IMMP2L: variants seen among roughly 807,000 people sequenced by gnomAD.
IMMP2L encodes inner mitochondrial membrane peptidase subunit 2.
In IMMP2L, 18 loss-of-function variants were observed where a neutral mutation model predicts 19.3. That is an observed-to-expected ratio of 0.93 (90% CI 0.64 to 1.38). The LOEUF (loss-of-function observed/expected upper bound fraction) is 1.38. IMMP2L is among the 40% of genes most tolerant of loss of function. IMMP2L has a pLI of 0.00. For missense variants in IMMP2L, 233 were observed against 218.2 expected (o/e 1.07, Z -0.43); for synonymous variants, 76 against 73.0 (o/e 1.04, Z -0.21).
intron 2 of IMMP2L, among the ~76,000 whole-genome samples, chr7:111,495,365 T>C (rs1170479209): frequency 6.6e-6 from 1 of 152,180 alleles, no homozygotes; most frequent in Admixed American, 6.5e-5. Context: ...AAATACAATA[T>C]AAGTCAGCAT....
chr7:111,222,478 T>C (rs1028875281), intron 3 of IMMP2L, among the ~76,000 whole-genome samples: 7 of 151,968 alleles, frequency 4.6e-5, no homozygotes, highest in Non-Finnish European at 7.4e-5. Context: ...AACAGTATTT[T>C]TTTTTTAAAG....
intron 3 of IMMP2L, among the ~76,000 whole-genome samples, chr7:111,130,465 A>G (rs1328844829): frequency 6.6e-6 from 1 of 152,096 alleles, no homozygotes; most frequent in African/African-American, 2.4e-5. Context: ...GTATGATGTG[A>G]CCATTGTAAA....
At chr7:111,263,846 A>T (rs1817570909) in intron 3 of IMMP2L, among the ~76,000 whole-genome samples, 1 of 152,200 alleles carries the variant, frequency 6.6e-6, no homozygotes, top group South Asian at 2.1e-4. Flanking sequence ...ATTTCAAGGA[A>T]GAAAGAATGA....
chr7:111,124,282 G>T lies in IMMP2L; in HGVS notation c.240-160717C>A, dbSNP rs145624149. 8.7e-6 allele frequency: 14 copies of T among 1,613,886 alleles called. No individual in the cohort carries two copies. The East Asian group carries it at 2.9e-4, about 33-fold the overall frequency. ...TTGTATAGCAACTAACCTAGTTGGC[G>T]CTGACTTGAAGTCTGTTATGATCAA... is the stretch of plus-strand genomic sequence containing the variant. On this transcript the variant is annotated intron_variant, in intron 3 of 5. Coordinates refer to ENST00000405709, the MANE Select transcript of IMMP2L (RefSeq NM_032549.4).
intron 5 of IMMP2L, among the ~76,000 whole-genome samples, chr7:110,674,914 T>A (rs1792182924): frequency 1.3e-5 from 2 of 152,152 alleles, no homozygotes; most frequent in Non-Finnish European, 2.9e-5. Flanking sequence ...GATCCCTGGA[T>A]CTCTCTTGTA....
rs1792177054 is a variant in IMMP2L, at chr7:111,562,273, C to G, written c.-425G>C. Reference sequence around the variant, plus strand: ...ACGCGCACGCACACATGCTCGCGATCACGCAGGACTCGCGGCCGCGCACCC... The same window carrying G: ...ACGCGCACGCACACATGCTCGCGATGACGCAGGACTCGCGGCCGCGCACCC... On this transcript the variant is annotated 5_prime_UTR_variant, in exon 1 of 6. Coordinates refer to ENST00000405709, the MANE Select transcript of IMMP2L (RefSeq NM_032549.4). The G allele has an allele frequency of 6.6e-6, 1 of 152,332 alleles. No homozygotes were observed. The allele number at this position is 152,332 out of a possible 1,614,324, so 9.4% of individuals were successfully genotyped here. A position where few individuals can be genotyped will look rare whatever the true frequency, so the allele number is the denominator to read the frequency against.
At chr7:111,260,160 C>T (rs1562977785) in intron 3 of IMMP2L, among the ~76,000 whole-genome samples, 4 of 152,224 alleles carry the variant, frequency 2.6e-5, no homozygotes, top group African/African-American at 9.6e-5. Context: ...TATTTGTTAT[C>T]ATGATCAAGG....
intron 4 of IMMP2L, among the ~76,000 whole-genome samples, chr7:110,893,149 T>C (rs1268285836): frequency 6.6e-6 from 1 of 152,198 alleles, no homozygotes; most frequent in African/African-American, 2.4e-5. Flanking sequence ...CTGTAGTTTA[T>C]TAAGTGTGCA....
At chr7:111,484,890 G>C (rs539118580) in intron 3 of IMMP2L, among the ~76,000 whole-genome samples, 1 of 151,978 alleles carries the variant, frequency 6.6e-6, no homozygotes, top group Non-Finnish European at 1.5e-5. Flanking sequence ...AGGCTCAATC[G>C]ATCTTCCTAC....
At chr7:111,411,400 G>A in intron 3 of IMMP2L, 1 of 487,192 alleles carries the variant, frequency 2.1e-6, no homozygotes, top group South Asian at 1.5e-5. Context: ...GGGTCCCCGT[G>A]AAAGTGACCA....
chr7:110,984,701 C>T lies in IMMP2L; in HGVS notation c.240-21136G>A, dbSNP rs142716011. ...AGACTTCTAATATTTTCTTCTTAGTCGGGGCTTAACCTAATTTTAGTAAAA... is the reference window on the plus strand; with the variant it reads ...AGACTTCTAATATTTTCTTCTTAGTTGGGGCTTAACCTAATTTTAGTAAAA... On this transcript the variant is annotated intron_variant, in intron 3 of 5. Transcript: ENST00000405709. Among the ~76,000 whole-genome samples, 8 of 151,994 alleles carry T rather than the reference C, an allele frequency of 5.3e-5. No homozygotes were observed. In the East Asian group the frequency reaches 1.4e-3, roughly 26 times the overall value.
chr7:111,392,025 T>A (rs1832405551), intron 3 of IMMP2L: 3 of 701,810 alleles, frequency 4.3e-6, no homozygotes, highest in Admixed American at 4.0e-5. Flanking sequence ...CCTACCTTTG[T>A]ATATGCAAAT....
At chr7:110,721,298 T>C (rs962414989) in intron 5 of IMMP2L, among the ~76,000 whole-genome samples, 3 of 152,054 alleles carry the variant, frequency 2.0e-5, no homozygotes, top group African/African-American at 7.2e-5. Context: ...TAAAATGAAA[T>C]AATGCATTGC....
intron 3 of IMMP2L, among the ~76,000 whole-genome samples, chr7:111,250,410 A>C (rs979466257): frequency 2.0e-5 from 3 of 152,212 alleles, no homozygotes; most frequent in Non-Finnish European, 4.4e-5. Flanking sequence ...ACTATTTTAA[A>C]ATTCATATGA....
intron 3 of IMMP2L, among the ~76,000 whole-genome samples, chr7:111,235,670 C>T (rs938612699): frequency 6.6e-6 from 1 of 151,742 alleles, no homozygotes; most frequent in Non-Finnish European, 1.5e-5. Flanking sequence ...TTATAATATG[C>T]CTCTGTATCA....
At chr7:111,005,525 A>C (rs963021114) in intron 3 of IMMP2L, among the ~76,000 whole-genome samples, 1 of 152,178 alleles carries the variant, frequency 6.6e-6, no homozygotes, top group Admixed American at 6.6e-5. Flanking sequence ...CTGTGTAACA[A>C]CTAGTCCAAC....
intron 3 of IMMP2L, among the ~76,000 whole-genome samples, chr7:111,031,368 T>C (rs530928346): frequency 2.7e-5 from 2 of 74,594 alleles, no homozygotes; most frequent in South Asian, 8.5e-4. Flanking sequence ...TGCTAGAAAA[T>C]AAGGGGTGTA....
chr7:110,714,247 A>G (rs1280959430), intron 5 of IMMP2L, among the ~76,000 whole-genome samples: 1 of 152,154 alleles, frequency 6.6e-6, no homozygotes, highest in African/African-American at 2.4e-5. Flanking sequence ...CGTATGTTGA[A>G]CCAAACTTGC....
chr7:111,336,320 C>A (rs1302287962), intron 3 of IMMP2L, among the ~76,000 whole-genome samples: 1 of 151,740 alleles, frequency 6.6e-6, no homozygotes, highest in Non-Finnish European at 1.5e-5. Context: ...TCCCAAAGTG[C>A]TGGGATTACA....
Sources: allele counts gnomAD v4.1 joint callset (sites outside exome capture counted in the v4.1 genomes callset), GRCh38; gene constraint gnomAD v4.1.1; transcripts MANE v1.5; gene names NCBI Gene and HGNC (gene_info 2026-07-23, HGNC 2026-07-21).